ARHGAP35: variants seen among roughly 807,000 people sequenced by gnomAD.
ARHGAP35 encodes the protein Rho GTPase activating protein 35, also known as rho GTPase-activating protein 35.
A neutral mutation model predicts 111.1 loss-of-function variants in ARHGAP35; 15 were observed. That is an observed-to-expected ratio of 0.13 (90% confidence interval 0.09 to 0.21). ARHGAP35 has a LOEUF of 0.21. ARHGAP35 is among the 10% of genes least tolerant of loss of function. The pLI is 1.00. For missense variants in ARHGAP35, 1,262 were observed against 1,873.0 expected, an observed-to-expected ratio of 0.67 and a Z score of 6.02; for synonymous variants, 643 against 710.3, an observed-to-expected ratio of 0.91 and a Z score of 1.51.
At chr19:46,913,533 CA>C (rs2056149054) in intron 1 of ARHGAP35, among the ~76,000 whole-genome samples, 2 of 152,102 alleles carry the variant, frequency 1.3e-5, no homozygotes, top group Admixed American at 1.3e-4. Context: ...AAACAAATCA[CA>C]AACAACTCTA....
intron 1 of ARHGAP35, among the ~76,000 whole-genome samples, chr19:46,910,654 G>A (rs1168333806): frequency 1.3e-5 from 2 of 151,068 alleles, no homozygotes; most frequent in Non-Finnish European, 3.0e-5. Context: ...CAGTGGTGCA[G>A]TCTCAGCTCA....
chr19:46,912,853 C>A (rs2056145375), intron 1 of ARHGAP35, among the ~76,000 whole-genome samples: 1 of 151,578 alleles, frequency 6.6e-6, no homozygotes. Context: ...TTTTAACCAG[C>A]TGCTAATGGG....
rs1003085593 is a variant in ARHGAP35, at chr19:47,001,568, C to T, written c.*880C>T. 6 of 426,402 alleles carry T rather than the reference C, an allele frequency of 1.4e-5. No homozygotes were observed. The highest frequency in any genetic ancestry group is 2.5e-5 in the Non-Finnish European group (6 of 241,422). The allele number at this position is 426,402 out of a possible 1,614,324, so 26.4% of individuals were successfully genotyped here. A position where few individuals can be genotyped will look rare whatever the true frequency, so the allele number is the denominator to read the frequency against. ...TGTGGCCTGAGGGCCTGCTGGGGTC[C>T]CACTCACCCACTTAGGTCTAGTCGC... On this transcript the variant is annotated 3_prime_UTR_variant, in exon 7 of 7. Transcript: ENST00000672722. The surrounding 1 kb of genome is among the most constrained non-coding windows in gnomAD (Gnocchi z 5.4).
rs145553260 is a variant in ARHGAP35, at chr19:47,004,826, T to C, written c.*4138T>C. Reference sequence around the variant, plus strand: ...CATCGTCTAGCTGGTGTTAGGAATGTTTGCTTAATTTCCAGACTTTTTTTT... The same window carrying C: ...CATCGTCTAGCTGGTGTTAGGAATGCTTGCTTAATTTCCAGACTTTTTTTT... On this transcript the variant is annotated 3_prime_UTR_variant, in exon 7 of 7. Coordinates refer to ENST00000672722, the MANE Select transcript of ARHGAP35 (RefSeq NM_004491.5). 6.6e-6 allele frequency: 1 copy of C among 152,330 alleles called. No individual in the cohort carries two copies. Among genetic ancestry groups the C allele is most frequent in the Non-Finnish European group, 1.5e-5 (1 of 68,024 alleles). The allele number at this position is 152,330 out of a possible 1,614,324, so 9.4% of individuals were successfully genotyped here.
chr19:46,916,687 G>A (rs997528160), intron 1 of ARHGAP35, among the ~76,000 whole-genome samples: 2 of 151,602 alleles, frequency 1.3e-5, no homozygotes, highest in Non-Finnish European at 2.9e-5. Flanking sequence ...TGTAAAAATA[G>A]CACAAAGGAA....
intron 1 of ARHGAP35, among the ~76,000 whole-genome samples, chr19:46,902,023 T>G (rs2056085456): frequency 6.6e-6 from 1 of 152,252 alleles, no homozygotes; most frequent in African/African-American, 2.4e-5. Context: ...AGAATTCTTC[T>G]GAATCACTTG....
intron 1 of ARHGAP35, among the ~76,000 whole-genome samples, chr19:46,889,962 G>A (rs2056016185): frequency 6.6e-6 from 1 of 152,188 alleles, no homozygotes; most frequent in Non-Finnish European, 1.5e-5. Context: ...CCCTTAAGGG[G>A]TTGGGTCAGG....
intron 1 of ARHGAP35, among the ~76,000 whole-genome samples, chr19:46,868,514 A>G (rs914772053): frequency 1.3e-5 from 2 of 152,208 alleles, no homozygotes; most frequent in African/African-American, 4.8e-5. Context: ...GTTCCATATC[A>G]CAGTATTTTG....
rs556619680 is a variant in ARHGAP35, at chr19:46,966,369, C to T, written c.3827-21620C>T. ...TTCAAGACCAGCCCCAGCAACATAT[C>T]GAGACTCTGTCTCTACAAAAAATTA... On this transcript the variant is annotated intron_variant, in intron 3 of 6. Coordinates refer to ENST00000672722, the MANE Select transcript of ARHGAP35 (RefSeq NM_004491.5). Among the ~76,000 whole-genome samples, 7 of 152,168 alleles carry T rather than the reference C, an allele frequency of 4.6e-5. No homozygotes were observed. In the South Asian group the frequency reaches 6.2e-4, roughly 14 times the overall value.
intron 3 of ARHGAP35, among the ~76,000 whole-genome samples, chr19:46,941,426 G>A (rs1434187293): frequency 6.6e-6 from 1 of 151,942 alleles, no homozygotes; most frequent in Non-Finnish European, 1.5e-5. Flanking sequence ...AAATTAGCCA[G>A]GCATGGTGGC....
chr19:46,893,604 C>T (rs953062907), intron 1 of ARHGAP35, among the ~76,000 whole-genome samples: 5 of 151,948 alleles, frequency 3.3e-5, no homozygotes, highest in Admixed American at 3.3e-4. Flanking sequence ...ATTATGAATA[C>T]TTCTCTCCCC....
chr19:46,941,101 A>G (rs1219326197), intron 3 of ARHGAP35, among the ~76,000 whole-genome samples: 1 of 149,262 alleles, frequency 6.7e-6, no homozygotes, highest in Non-Finnish European at 1.5e-5. Context: ...TTTCTGTTTT[A>G]TGCTGCTTCA....
intron 1 of ARHGAP35, among the ~76,000 whole-genome samples, chr19:46,874,724 C>T (rs2055907549): frequency 6.6e-6 from 1 of 150,386 alleles, no homozygotes. Flanking sequence ...AGGCTGGTCT[C>T]GAACTCCTGA....
At chr19:46,917,968 C>T (rs895274062) in intron 1 of ARHGAP35, among the ~76,000 whole-genome samples, 1 of 152,196 alleles carries the variant, frequency 6.6e-6, no homozygotes, top group African/African-American at 2.4e-5. Context: ...CCCACCATGG[C>T]CTCCCAAAGT....
intron 1 of ARHGAP35, among the ~76,000 whole-genome samples, chr19:46,916,224 G>A (rs1410004708): frequency 6.6e-6 from 1 of 151,998 alleles, no homozygotes; most frequent in East Asian, 1.9e-4. Context: ...GTGAGCCACC[G>A]CGCCCAGCGA....
chr19:46,866,210 A>G (rs1190519518), intron 1 of ARHGAP35, among the ~76,000 whole-genome samples: 1 of 152,134 alleles, frequency 6.6e-6, no homozygotes, highest in African/African-American at 2.4e-5. Context: ...AGTTGGTAAG[A>G]TTTCTTTTTC....
At chr19:46,861,733 C>G (rs1019113379) in intron 1 of ARHGAP35, among the ~76,000 whole-genome samples, 1 of 152,062 alleles carries the variant, frequency 6.6e-6, no homozygotes, top group Non-Finnish European at 1.5e-5. Context: ...TGTCCTCGGC[C>G]CCTTCTTTGA....
chr19:46,928,287 T>C (rs1303911180), intron 2 of ARHGAP35, among the ~76,000 whole-genome samples: 2 of 152,216 alleles, frequency 1.3e-5, no homozygotes, highest in East Asian at 3.8e-4. Context: ...GGAATTGTGC[T>C]GATGCCTCAC....
chr19:46,918,723 C>T lies in ARHGAP35; in HGVS notation c.48C>T (p.Ile16=). ...ATGTCCGAATTCCCACCTACAACAT[C>T]AGTGTGGTGGGATTATCTGGGACCG... ...KQDVRIPTYN[I]SVVGLSGTEK... The change falls in exon 2 of 7, where the codon ATC becomes ATT. Residue 16 remains isoleucine (I), a synonymous_variant. Coordinates refer to ENST00000672722, the MANE Select transcript of ARHGAP35 (RefSeq NM_004491.5). The surrounding 1 kb of genome is among the most constrained non-coding windows in gnomAD (Gnocchi z 5.4). 1.9e-6 allele frequency: 3 copies of T among 1,613,950 alleles called. No homozygotes were observed. The highest frequency in any genetic ancestry group is 2.5e-6 in the Non-Finnish European group (3 of 1,179,872).
Sources: gnomAD v4.1 joint callset for allele counts (sites outside exome capture counted in the v4.1 genomes callset) on GRCh38, gnomAD v4.1.1 for gene constraint, Gnocchi (gnomAD v3.1) non-coding constraint, MANE v1.5 for transcripts, NCBI Gene and HGNC (gene_info 2026-07-23, HGNC 2026-07-21) for gene names.